Variants in GABRB2 observed in about 807,000 individuals in gnomAD.
GABRB2 encodes gamma-aminobutyric acid type A receptor subunit beta2.
Under a neutral mutation model 54.7 loss-of-function variants are expected in GABRB2, and 16 were observed. The ratio of observed to expected loss-of-function variants is 0.29; its 90% CI spans 0.20 to 0.44. The LOEUF is 0.44. Ranked by LOEUF, GABRB2 falls within the 20% of genes least tolerant of loss-of-function variation. GABRB2 has a pLI of 1.00. For synonymous variants in GABRB2, 244 were observed against 233.8 expected (o/e 1.04, Z -0.40); for missense variants, 355 against 644.0 (o/e 0.55, Z 4.86).
chr5:161,356,994 G>C (rs897420661), intron 5 of GABRB2, among the ~76,000 whole-genome samples: 2 of 152,194 alleles, frequency 1.3e-5, no homozygotes, highest in African/African-American at 4.8e-5. Flanking sequence ...AAAAACCACA[G>C]ATTAAAAATA....
chr5:161,335,814 G>T (rs1439591317), intron 6 of GABRB2, among the ~76,000 whole-genome samples: 1 of 152,108 alleles, frequency 6.6e-6, no homozygotes, highest in Non-Finnish European at 1.5e-5. Flanking sequence ...TAAAGGCATT[G>T]TATTTTTATC....
chr5:161,309,677 C>T (rs1235752738), intron 9 of GABRB2, among the ~76,000 whole-genome samples: 5 of 150,982 alleles, frequency 3.3e-5, no homozygotes, highest in East Asian at 1.9e-4. Context: ...GTTGCTCAGG[C>T]TGGAGTGCAG....
chr5:161,529,153 A>C (rs1462425849), intron 3 of GABRB2, among the ~76,000 whole-genome samples: 1 of 152,020 alleles, frequency 6.6e-6, no homozygotes, highest in Non-Finnish European at 1.5e-5. Flanking sequence ...AAAAAAGTCA[A>C]TTATAATTTT....
Position 161,310,102 on chromosome 5 carries a change from A to G in GABRB2, c.1192-15674T>C, listed in dbSNP as rs1322427676. Among the ~76,000 whole-genome samples the G allele has an allele frequency of 2.6e-5, 4 of 152,194 alleles. 1 individual carries two copies. Among genetic ancestry groups the G allele is most frequent in the African/African-American group, 9.7e-5 (4 of 41,444 alleles). The stretch of plus-strand genomic sequence containing the variant: ...CTACATGTTCTCATTTATAAGTGGT[A>G]GCTAAATAATGAGAACACATGGTCA... On this transcript the variant is annotated intron_variant, in intron 9 of 9. Transcript: ENST00000393959.
intron 9 of GABRB2, among the ~76,000 whole-genome samples, chr5:161,315,680 G>T (rs775769889): frequency 1.3e-5 from 2 of 152,024 alleles, no homozygotes; most frequent in African/African-American, 4.8e-5. Flanking sequence ...TAGATACATA[G>T]TAATTATACA....
chr5:161,467,237 ACTCT>A (rs1220751122), intron 3 of GABRB2, among the ~76,000 whole-genome samples: 1 of 152,084 alleles, frequency 6.6e-6, no homozygotes, highest in Non-Finnish European at 1.5e-5. Flanking sequence ...CAGAGAAATC[ACTCT>A]CTCTGCTATC....
At chr5:161,326,595 T>C (rs1299635060) in intron 8 of GABRB2, 114 bp from the exon 9 acceptor site, 1 of 1,270,410 alleles carries the variant, frequency 7.9e-7, no homozygotes, top group Admixed American at 3.1e-5. Context: ...AGAAATCCTT[T>C]AGATAAAGGC....
intron 9 of GABRB2, among the ~76,000 whole-genome samples, chr5:161,316,569 T>C (rs574570437): frequency 6.6e-6 from 1 of 152,282 alleles, no homozygotes; most frequent in African/African-American, 2.4e-5. Flanking sequence ...TTGTCTTTTT[T>C]CCTTTCTTTC....
intron 9 of GABRB2, among the ~76,000 whole-genome samples, chr5:161,302,509 T>A (rs1012322977): frequency 6.6e-6 from 1 of 152,136 alleles, no homozygotes; most frequent in Non-Finnish European, 1.5e-5. Flanking sequence ...CCTAACAACA[T>A]CACAGGCTTA....
At chr5:161,503,778 C>G (rs1439608809) in intron 3 of GABRB2, among the ~76,000 whole-genome samples, 1 of 147,400 alleles carries the variant, frequency 6.8e-6, no homozygotes. Context: ...GATTGTCAAA[C>G]TGGACAAGAA....
At chr5:161,316,859 G>C (rs1232324816) in intron 9 of GABRB2, among the ~76,000 whole-genome samples, 1 of 152,084 alleles carries the variant, frequency 6.6e-6, no homozygotes, top group East Asian at 1.9e-4. Context: ...TGATCCACCT[G>C]CCTCGGGCTC....
At chr5:161,482,706 C>A (rs1282162553) in intron 3 of GABRB2, among the ~76,000 whole-genome samples, 1 of 151,982 alleles carries the variant, frequency 6.6e-6, no homozygotes, top group East Asian at 1.9e-4. Context: ...GCGTACAAGC[C>A]CATAGATGAA....
At chr5:161,443,993 A>G (rs545387930) in intron 4 of GABRB2, among the ~76,000 whole-genome samples, 1 of 152,202 alleles carries the variant, frequency 6.6e-6, no homozygotes, top group Non-Finnish European at 1.5e-5. Flanking sequence ...AGCCTTGTTT[A>G]CACTGGTATA....
intron 4 of GABRB2, among the ~76,000 whole-genome samples, chr5:161,421,728 T>A: frequency 6.6e-6 from 1 of 152,140 alleles, no homozygotes; most frequent in Non-Finnish European, 1.5e-5. Flanking sequence ...CAGGATATTT[T>A]CAGATGGTGA....
intron 3 of GABRB2, among the ~76,000 whole-genome samples, chr5:161,463,551 T>TTTTATA (rs1554102435): frequency 2.0e-4 from 6 of 30,260 alleles, no homozygotes; most frequent in African/African-American, 4.3e-4. Flanking sequence ...CCAAATATTT[T>TTTTATA]TATTTATATA....
At chr5:161,386,217 A>G (rs964475776) in intron 5 of GABRB2, among the ~76,000 whole-genome samples, 1 of 152,122 alleles carries the variant, frequency 6.6e-6, no homozygotes, top group Non-Finnish European at 1.5e-5. Context: ...AAATAGTGAC[A>G]TGATTTCTCC....
At chr5:161,366,578 G>A (rs1754978879) in intron 5 of GABRB2, among the ~76,000 whole-genome samples, 1 of 152,148 alleles carries the variant, frequency 6.6e-6, no homozygotes, top group South Asian at 2.1e-4. Flanking sequence ...TTAGCACAAG[G>A]TAAGTGCTCA....
intron 4 of GABRB2, among the ~76,000 whole-genome samples, chr5:161,450,860 AT>A (rs965742009): frequency 1.3e-5 from 2 of 152,002 alleles, no homozygotes; most frequent in African/African-American, 4.8e-5. Context: ...TATCGTATGC[AT>A]TTTTTTCACA....
At chr5:161,530,133 T>C (rs990222469) in intron 3 of GABRB2, among the ~76,000 whole-genome samples, 3 of 152,086 alleles carry the variant, frequency 2.0e-5, no homozygotes, top group African/African-American at 7.2e-5. Context: ...TCGAGTGCAC[T>C]ATGCACTAAA....
Sources: allele counts gnomAD v4.1 joint callset (sites outside exome capture counted in the v4.1 genomes callset), GRCh38; gene constraint gnomAD v4.1.1; transcripts MANE v1.5; gene names NCBI Gene and HGNC (gene_info 2026-07-23, HGNC 2026-07-21).